IL10RA: variants seen among roughly 807,000 people sequenced by gnomAD.
The protein encoded by IL10RA is interleukin-10 receptor subunit alpha.
In IL10RA, 18 loss-of-function variants were observed where a neutral mutation model predicts 29.6. That is an observed-to-expected ratio of 0.61 (90% CI 0.42 to 0.90). The LOEUF is 0.90. Among genes scored for constraint, IL10RA ranks in the 40% least tolerant of loss-of-function variants. The pLI, the probability that IL10RA is intolerant of heterozygous loss-of-function variation, is 0.00. For synonymous variants in IL10RA, 292 were observed against 294.1 expected, an observed-to-expected ratio of 0.99 and a Z score of 0.07; for missense variants, 634 against 716.6, an observed-to-expected ratio of 0.88 and a Z score of 1.32.
rs754121384 is a variant in IL10RA at position 117,999,697 on chromosome 11, A to G, written c.*56A>G. ...CCATGCCTGCTCCTCTGCCTGGACC[A>G]GGAGGAGGGCCCCTGGGGCAGAAGT... On this transcript the variant is annotated 3_prime_UTR_variant, in exon 7 of 7. Coordinates refer to ENST00000227752, the MANE Select transcript of IL10RA (RefSeq NM_001558.4). 4 of 1,500,702 alleles carry G rather than the reference A, an allele frequency of 2.7e-6. No homozygotes were observed. Among genetic ancestry groups the G allele is most frequent in the South Asian group, 1.1e-5 (1 of 88,842 alleles). The allele number at this position is 1,500,702 out of a possible 1,614,324, so 93.0% of individuals were successfully genotyped here. A position where few individuals can be genotyped will look rare whatever the true frequency, so the allele number is the denominator to read the frequency against.
intron 6 of IL10RA, among the ~76,000 whole-genome samples, chr11:117,996,447 C>T (rs1175725831): frequency 6.6e-6 from 1 of 152,222 alleles, no homozygotes; most frequent in Non-Finnish European, 1.5e-5. Flanking sequence ...CAAACCTCGG[C>T]CTGGTCTCTG....
Position 117,988,498 on chromosome 11 carries a change from C to T in IL10RA, c.184C>T (p.Leu62=). 6.2e-7 allele frequency: 1 copy of T among 1,614,056 alleles called. No individual in the cohort carries two copies. The highest frequency in any genetic ancestry group is 2.2e-5 in the East Asian group (1 of 44,880). The change falls in exon 2 of 7, where the codon CTG becomes TTG. Residue 62 remains leucine (L), a synonymous_variant. Coordinates refer to ENST00000227752, the MANE Select transcript of IL10RA (RefSeq NM_001558.4). ...AAGTACCTGCTATGAAGTGGCGCTC[C>T]TGAGGTGAGGAAAAGGGAAGAGGGA... is the stretch of plus-strand genomic sequence containing the variant. ...SESTCYEVAL[L]RYGIESWNSI... is the part of the protein sequence containing the mutation.
chr11:117,986,583 G>A lies in IL10RA; in HGVS notation c.67+49G>A, dbSNP rs1483832950. 2.6e-6 allele frequency: 4 copies of A among 1,548,126 alleles called. No individual in the cohort carries two copies. In the Admixed American group the frequency reaches 7.8e-5, roughly 30 times the overall value. On this transcript the variant is annotated intron_variant, in intron 1 of 6. Transcript: ENST00000227752. ...TCCCTGCCCTGCCCTCTCCGCGCCC[G>A]CTCCATTAAAGTTCTCCATCCAGTG...
downstream of IL10RA, chr11:118,001,828 G>A: frequency 5.4e-6 from 1 of 183,626 alleles, no homozygotes; most frequent in South Asian, 1.1e-4. Flanking sequence ...TGGCTGTTGA[G>A]TCTGTAAAGA....
At chr11:117,995,527 T>C in intron 5 of IL10RA, 62 bp from the exon 6 acceptor site, 1 of 1,607,242 alleles carries the variant, frequency 6.2e-7, no homozygotes, top group South Asian at 1.1e-5. Flanking sequence ...ACCAGAGTCC[T>C]ATGTCCAGAA....
intron 6 of IL10RA, among the ~76,000 whole-genome samples, chr11:117,997,348 T>C (rs998636874): frequency 1.3e-5 from 2 of 152,252 alleles, no homozygotes; most frequent in African/African-American, 4.8e-5. Flanking sequence ...AGGAGGCAGG[T>C]ACTGTCATTA....
At chr11:117,990,925 G>A (rs1001640771) in intron 3 of IL10RA, among the ~76,000 whole-genome samples, 1 of 151,990 alleles carries the variant, frequency 6.6e-6, no homozygotes, top group African/African-American at 2.4e-5. Flanking sequence ...GGCTGGGCTC[G>A]GTGGCTCACG....
At chr11:117,995,518 C>T (rs1433975641) in intron 5 of IL10RA, 71 bp from the exon 6 acceptor site, 1 of 1,602,940 alleles carries the variant, frequency 6.2e-7, no homozygotes, top group Non-Finnish European at 8.5e-7. Context: ...TTTCATGGGA[C>T]CAGAGTCCTA....
At chr11:117,993,921 C>G (rs572820332) in intron 4 of IL10RA, 78 bp from the exon 5 acceptor site, 2 of 1,348,806 alleles carry the variant, frequency 1.5e-6, no homozygotes, top group Non-Finnish European at 2.1e-6. Flanking sequence ...GAAATCACCT[C>G]TAAAGGCCCA....
At chr11:117,990,473 C>G (rs1406645981) in intron 3 of IL10RA, among the ~76,000 whole-genome samples, 1 of 151,822 alleles carries the variant, frequency 6.6e-6, no homozygotes, top group Non-Finnish European at 1.5e-5. Flanking sequence ...GGGCATATTA[C>G]TAGGTATTTG....
intron 3 of IL10RA, among the ~76,000 whole-genome samples, chr11:117,990,154 C>T (rs1027623328): frequency 6.6e-6 from 1 of 152,150 alleles, no homozygotes; most frequent in Non-Finnish European, 1.5e-5. Context: ...GTTTTGTGTG[C>T]ATGGAGACCT....
In IL10RA at chr11:117,988,268, G is replaced by A. The variant is rs4252248; in HGVS notation, c.68-114G>A. On this transcript the variant is annotated intron_variant, in intron 1 of 6. Transcript: ENST00000227752. ...GCCCACTCTGCCCCTTACGGGCTCCGCTGGCCTCGGGCGAGTCATAGCCTC... is the reference window on the plus strand; with the variant it reads ...GCCCACTCTGCCCCTTACGGGCTCCACTGGCCTCGGGCGAGTCATAGCCTC... 0.7 allele frequency: 955,515 copies of A among 1,372,380 alleles called. 336,403 individuals carry two copies. Among genetic ancestry groups the A allele is most frequent in the East Asian group, 1 (43,510 of 43,648 alleles). The allele number at this position is 1,372,380 out of a possible 1,614,324, so 85.0% of individuals were successfully genotyped here.
chr11:117,999,061 C>T lies in IL10RA; in HGVS notation c.1157C>T (p.Thr386Ile), dbSNP rs1290851371. ...EPSLSPSTGP[T>I]WEQQVGSNSR... ...AGCCTGAGCCCCAGCACAGGGCCCA[C>T]CTGGGAGCAACAGGTGGGGAGCAAC... Residue 386 changes from threonine (T) to isoleucine (I), a missense_variant, in exon 7 of 7, where the codon ACC becomes ATC. Physicochemically the swap from Thr to Ile is moderately conservative, Grantham distance 89 (BLOSUM62 -1). Coordinates refer to ENST00000227752, the MANE Select transcript of IL10RA (RefSeq NM_001558.4). The T allele has an allele frequency of 6.2e-7, 1 of 1,611,842 alleles. No individual in the cohort carries two copies. Among genetic ancestry groups the T allele is most frequent in the South Asian group, 1.1e-5 (1 of 91,032 alleles).
chr11:117,994,096 G>C lies in IL10RA; in HGVS notation c.635G>C (p.Arg212Pro), dbSNP rs4252273. 6.2e-7 allele frequency: 1 copy of C among 1,614,166 alleles called. No homozygotes were observed. The highest frequency in any genetic ancestry group is 8.5e-7 in the Non-Finnish European group (1 of 1,180,008). The change falls in exon 5 of 7, where the codon CGA (arginine) becomes CCA (proline). Residue 212 changes from arginine (R) to proline (P), a missense_variant. By Grantham distance (103) the Arg-to-Pro change is moderately radical. Coordinates refer to ENST00000227752, the MANE Select transcript of IL10RA (RefSeq NM_001558.4). ...CAGGTGAAACCATCTGTCGCTTCCC[G>C]AAGTAACAAGGGGATGTGGTCTAAA... ...CVQVKPSVAS[R>P]SNKGMWSKEE...
At position 117,986,552 on chromosome 11, in the gene IL10RA, G is replaced by A. The variant is rs1415442591; in HGVS notation, c.67+18G>A. 1 of 1,551,604 alleles carries A rather than the reference G, an allele frequency of 6.4e-7. No individual in the cohort carries two copies. The highest frequency in any genetic ancestry group is 8.7e-7 in the Non-Finnish European group (1 of 1,147,220). On this transcript the variant is annotated intron_variant, in intron 1 of 6. Transcript: ENST00000227752. ...CGCTCATGGTAAGGCTCCGGGACGC[G>A]GCCCTTCCCTGCCCTGCCCTCTCCG...
At chr11:117,998,604 C>A in intron 6 of IL10RA, 111 bp from the exon 7 acceptor site, 2 of 856,082 alleles carry the variant, frequency 2.3e-6, no homozygotes, top group Non-Finnish European at 3.9e-6. Context: ...GTAATTTAGA[C>A]TGTAGTCTCC....
rs2134999798 is a variant in IL10RA at position 118,000,949 on chromosome 11, G to A, written c.*1308G>A. 1 of 454,212 alleles carries A rather than the reference G, an allele frequency of 2.2e-6. No individual in the cohort carries two copies. The highest frequency in any genetic ancestry group is 2.0e-5 in the African/African-American group (1 of 50,130). 28.1% of individuals were successfully genotyped at this position (454,212 alleles called of 1,614,324 possible). Reference sequence around the variant, plus strand: ...TGGACTCTGCCTTCAAACAAAGGCAGTTCAGTCCACAGGCATGGAAGCTGT... The same window carrying A: ...TGGACTCTGCCTTCAAACAAAGGCAATTCAGTCCACAGGCATGGAAGCTGT... On this transcript the variant is annotated 3_prime_UTR_variant, in exon 7 of 7. Coordinates refer to ENST00000227752, the MANE Select transcript of IL10RA (RefSeq NM_001558.4).
intron 5 of IL10RA, chr11:117,995,263 A>C (rs2058048326): frequency 2.5e-6 from 1 of 398,438 alleles, no homozygotes. Flanking sequence ...ACTTGAACCC[A>C]GATCTAGCAG....
At chr11:118,002,708 G>T (rs1433359130), downstream of IL10RA, 4 of 152,250 alleles carry the variant, frequency 2.6e-5, no homozygotes, top group Admixed American at 6.5e-5. Flanking sequence ...ATGAGTAGGA[G>T]TTTGCGCTGG....
Sources: gnomAD v4.1 joint callset for allele counts (sites outside exome capture counted in the v4.1 genomes callset) on GRCh38, gnomAD v4.1.1 for gene constraint, MANE v1.5 for transcripts, NCBI Gene and HGNC (gene_info 2026-07-23, HGNC 2026-07-21) for gene names.